Variants in GRTP1 observed in about 807,000 individuals in gnomAD.
The protein encoded by GRTP1 is growth hormone regulated TBC protein 1.
GRTP1 carries 56 observed loss-of-function variants against 38.1 expected under a neutral mutation model. That is an observed-to-expected ratio of 1.47 (90% confidence interval 1.19 to 1.84). The LOEUF (loss-of-function observed/expected upper bound fraction) is 1.84. Among genes scored for constraint, GRTP1 ranks in the 40% most tolerant of loss-of-function variants. GRTP1 has a pLI of 0.00. For synonymous variants in GRTP1, 217 were observed against 189.5 expected (o/e 1.14, Z -1.19); for missense variants, 506 against 453.9 (o/e 1.11, Z -1.04).
At chr13:113,329,455 G>A (rs544895509) in intron 5 of GRTP1, among the ~76,000 whole-genome samples, 4 of 152,294 alleles carry the variant, frequency 2.6e-5, no homozygotes, top group South Asian at 4.1e-4. Context: ...GCCAGCACCT[G>A]TAATCCCAGC....
chr13:113,341,172 G>A (rs532143516), intron 5 of GRTP1, among the ~76,000 whole-genome samples: 121 of 151,454 alleles, frequency 8.0e-4, no homozygotes, highest in African/African-American at 2.8e-3. Context: ...TGCACCATAC[G>A]CTTGAAATGG....
rs1403121795 is a variant in GRTP1, at chr13:113,348,485, T to A, written c.465+2364A>T. Among the ~76,000 whole-genome samples the A allele has an allele frequency of 6.6e-6, 1 of 152,100 alleles. No homozygotes were observed. The highest frequency in any genetic ancestry group is 1.5e-5 in the Non-Finnish European group (1 of 68,020). Reference sequence around the variant, plus strand: ...TCTACACATATGCCACACATTGAACTGTGTTGCCCGCCCCAAAATTCATCT... The same window carrying A: ...TCTACACATATGCCACACATTGAACAGTGTTGCCCGCCCCAAAATTCATCT... On this transcript the variant is annotated intron_variant, in intron 4 of 7. Coordinates refer to ENST00000375431, the MANE Select transcript of GRTP1 (RefSeq NM_024719.4). This position sits in a 1 kb window ranked among gnomAD's most constrained non-coding sequence, Gnocchi z 4.8.
At position 113,335,059 on chromosome 13, in the gene GRTP1, C is replaced by T. The variant is rs541125914; in HGVS notation, c.563-8968G>A. ...GGATGGTCTCGATCTCCTGACCTCG[C>T]GATCCGCCTGCCTCAGCCTCCCAGA... is the stretch of plus-strand genomic sequence containing the variant. On this transcript the variant is annotated intron_variant, in intron 5 of 7. Coordinates refer to ENST00000375431, the MANE Select transcript of GRTP1 (RefSeq NM_024719.4). Among the ~76,000 whole-genome samples, 13 of 151,550 alleles carry T rather than the reference C, an allele frequency of 8.6e-5. No homozygotes were observed. In the East Asian group the frequency reaches 2.6e-3, roughly 30 times the overall value.
rs767010723 is a variant in GRTP1 at position 113,325,858 on chromosome 13, T to A, written c.736-12A>T. The A allele has an allele frequency of 6.2e-7, 1 of 1,613,684 alleles. No individual in the cohort carries two copies. Among genetic ancestry groups the A allele is most frequent in the South Asian group, 1.1e-5 (1 of 91,066 alleles). On this transcript the variant is annotated splice_polypyrimidine_tract_variant and intron_variant, in intron 6 of 7. Transcript: ENST00000375431. Reference sequence around the variant, plus strand: ...ATCCGAAGCACTGTCTGCAGAGACATGGGAACCCGGTGTCACTCCCTGGCG... The same window carrying A: ...ATCCGAAGCACTGTCTGCAGAGACAAGGGAACCCGGTGTCACTCCCTGGCG...
In GRTP1 at chr13:113,346,045, C is replaced by A. The variant is rs1355259803; in HGVS notation, c.466-1086G>T. ...GCAGACCTGGGAAGACATCTGTGGCCGAGAGCAGACCCGGGAGGACCTCTG... is the reference window on the plus strand; with the variant it reads ...GCAGACCTGGGAAGACATCTGTGGCAGAGAGCAGACCCGGGAGGACCTCTG... On this transcript the variant is annotated intron_variant, in intron 4 of 7. Coordinates refer to ENST00000375431, the MANE Select transcript of GRTP1 (RefSeq NM_024719.4). 2.8e-3 allele frequency among the ~76,000 whole-genome samples: 214 copies of A among 75,646 alleles called. 1 individual carries two copies. Among genetic ancestry groups the A allele is most frequent in the African/African-American group, 0.01 (198 of 19,008 alleles). The allele number at this position is 75,646 out of a possible 152,430, so 49.6% of individuals were successfully genotyped here.
At chr13:113,326,531 T>TGTG (rs919452835) in intron 5 of GRTP1, among the ~76,000 whole-genome samples, 5 of 151,736 alleles carry the variant, frequency 3.3e-5, no homozygotes, top group African/African-American at 1.2e-4. Flanking sequence ...ATTAGCCAGG[T>TGTG]GTGGTGGTGG....
intron 2 of GRTP1, among the ~76,000 whole-genome samples, chr13:113,357,441 C>CAAAAAAAAAAAAAAAAAA (rs368660991): frequency 1.0e-5 from 1 of 97,698 alleles, no homozygotes; most frequent in Admixed American, 1.3e-4. Flanking sequence ...GACACTGCCT[C>CAAAAAAAAAAAAAAAAAA]AAAAAAAAAA....
chr13:113,324,703 C>T (rs1258619750), intron 7 of GRTP1, 126 bp from the exon 8 acceptor site: 3 of 1,447,436 alleles, frequency 2.1e-6, no homozygotes, highest in African/African-American at 1.4e-5. Flanking sequence ...CATCCAAGGG[C>T]TTCTGGGGTG....
In GRTP1 at chr13:113,348,369, T is replaced by A. The variant is rs1258074164; in HGVS notation, c.465+2480A>T. ...AGGAGGCCAAGGTGGGAAAATCGCT[T>A]GAGCAAAGGAGGTTGAGGCTGCAGT... On this transcript the variant is annotated intron_variant, in intron 4 of 7. Transcript: ENST00000375431. This position sits in a 1 kb window ranked among gnomAD's most constrained non-coding sequence, Gnocchi z 4.8. Among the ~76,000 whole-genome samples the A allele has an allele frequency of 6.6e-6, 1 of 152,096 alleles. No individual in the cohort carries two copies. Among genetic ancestry groups the A allele is most frequent in the Non-Finnish European group, 1.5e-5 (1 of 68,020 alleles).
In GRTP1 at chr13:113,344,736, C is replaced by G. The variant is rs4406954; in HGVS notation, c.562+127G>C. 3.0e-3 allele frequency: 1,100 copies of G among 365,076 alleles called. 24 individuals carry two copies. Among genetic ancestry groups the G allele is most frequent in the African/African-American group, 0.026 (1,030 of 40,062 alleles). 22.6% of individuals were successfully genotyped at this position (365,076 alleles called of 1,614,324 possible). On this transcript the variant is annotated intron_variant, in intron 5 of 7. Coordinates refer to ENST00000375431, the MANE Select transcript of GRTP1 (RefSeq NM_024719.4). The stretch of plus-strand genomic sequence containing the variant: ...TCAAAAAAAAAAAAAAAAAAAAAAA[C>G]GGTTTGTAACCTCATCTCCCAAACA...
chr13:113,339,591 T>C (rs1037947725), intron 5 of GRTP1: 1 of 152,264 alleles, frequency 6.6e-6, no homozygotes, highest in African/African-American at 2.4e-5. Flanking sequence ...TTCCCATTAA[T>C]TGATATATCT....
chr13:113,353,579 GGACT>G (rs2043324942), intron 3 of GRTP1, among the ~76,000 whole-genome samples: 2 of 152,162 alleles, frequency 1.3e-5, no homozygotes, highest in African/African-American at 4.8e-5. Flanking sequence ...GCGTACAGTG[GGACT>G]GCCAGGGGCT....
rs955117423 is a variant in GRTP1 at position 113,343,831 on chromosome 13, G to GC, written c.562+1031dup. Reference sequence around the variant, plus strand: ...CTCTGCCCTGCAGGATGAGCACGCAGCCCCCTTGACCCAGCACCACAGCCA... The same window carrying GC: ...CTCTGCCCTGCAGGATGAGCACGCAGCCCCCCTTGACCCAGCACCACAGCCA... On this transcript the variant is annotated intron_variant, in intron 5 of 7. Transcript: ENST00000375431. The surrounding 1 kb of genome is among the most constrained non-coding windows in gnomAD (Gnocchi z 4.8). 2.0e-5 allele frequency among the ~76,000 whole-genome samples: 3 copies of GC among 152,148 alleles called. No homozygotes were observed. Among genetic ancestry groups the GC allele is most frequent in the African/African-American group, 7.2e-5 (3 of 41,410 alleles).
At chr13:113,334,824 ATTCTT>A (rs546109698) in intron 5 of GRTP1, among the ~76,000 whole-genome samples, 12 of 152,188 alleles carry the variant, frequency 7.9e-5, no homozygotes, top group Admixed American at 7.2e-4. Context: ...GGCTTGGCTA[ATTCTT>A]TTCTTTTGAG....
intron 3 of GRTP1, 143 bp from the exon 4 acceptor site, chr13:113,351,116 C>T (rs1275626863): frequency 2.0e-6 from 2 of 1,015,552 alleles, no homozygotes; most frequent in South Asian, 1.4e-5. Flanking sequence ...AGACTCAACA[C>T]AGCCAGAGCG....
At chr13:113,359,503 C>A (rs540345370) in intron 2 of GRTP1, 19 of 152,302 alleles carry the variant, frequency 1.2e-4, no homozygotes, top group African/African-American at 3.8e-4. Context: ...GAGGATTGCT[C>A]CTCTAGGCTG....
At chr13:113,336,298 GTTTTTT>G (rs67179331) in intron 5 of GRTP1, among the ~76,000 whole-genome samples, 83 of 20,998 alleles carry the variant, frequency 4.0e-3, no homozygotes, top group Middle Eastern at 0.038. Flanking sequence ...GAATAAGGTA[GTTTTTT>G]TTTTTTTTTT....
rs1301668480 is a variant in GRTP1 at position 113,347,826 on chromosome 13, G to A, written c.466-2867C>T. On this transcript the variant is annotated intron_variant, in intron 4 of 7. Coordinates refer to ENST00000375431, the MANE Select transcript of GRTP1 (RefSeq NM_024719.4). ...CGGATCTGGGAGGACCTCTGTGGCA[G>A]AGAGCAGACCCGGGAGGACCTCTGT... Among the ~76,000 whole-genome samples, 5 of 145,434 alleles carry A rather than the reference G, an allele frequency of 3.4e-5. 1 individual carries two copies. The highest frequency in any genetic ancestry group is 7.9e-5 in the African/African-American group (3 of 37,998).
chr13:113,327,975 C>T (rs111653640), intron 5 of GRTP1, among the ~76,000 whole-genome samples: 1,740 of 152,334 alleles, frequency 0.011, 29 homozygotes, highest in African/African-American at 0.04. Context: ...CAGGCTGAGC[C>T]GGCCACCAAG....
Sources: allele counts gnomAD v4.1 joint callset (sites outside exome capture counted in the v4.1 genomes callset), GRCh38; gene constraint gnomAD v4.1.1; non-coding constraint Gnocchi (gnomAD v3.1); transcripts MANE v1.5; gene names NCBI Gene and HGNC (gene_info 2026-07-23, HGNC 2026-07-21).